UGT2A1: variants seen among roughly 807,000 people sequenced by gnomAD.
UGT2A1 encodes UDP-glucuronosyltransferase 2A1.
Under a neutral mutation model 45.4 loss-of-function variants are expected in UGT2A1, and 61 were observed. The ratio of observed to expected loss-of-function variants is 1.34; its 90% CI spans 1.09 to 1.66. The LOEUF is 1.66. Ranked by LOEUF, UGT2A1 falls within the 40% of genes most tolerant of loss-of-function variation. The pLI is 0.00. For missense variants in UGT2A1, 649 were observed against 574.3 expected, an observed-to-expected ratio of 1.13 and a Z score of -1.33; for synonymous variants, 229 against 196.2, an observed-to-expected ratio of 1.17 and a Z score of -1.40.
chr4:69,594,287 T>C (rs1365864107), intron 6 of UGT2A1, among the ~76,000 whole-genome samples, 190 bp downstream of exon 6: 1 of 152,172 alleles, frequency 6.6e-6, no homozygotes, highest in Non-Finnish European at 1.5e-5. Flanking sequence ...ATTTGAAGTC[T>C]TAGGATTTTC....
chr4:69,596,509 CA>C, intron 4 of UGT2A1: 1 of 1,267,052 alleles, frequency 7.9e-7, no homozygotes, highest in South Asian at 2.4e-5. Context: ...TGTCTTCTGA[CA>C]TGTAGAAAGA....
chr4:69,606,788 A>C (rs1429491186), intron 3 of UGT2A1, among the ~76,000 whole-genome samples: 1 of 136,898 alleles, frequency 7.3e-6, no homozygotes, highest in African/African-American at 3.0e-5. Flanking sequence ...ACAGACAAAC[A>C]GAGAGCCAAA....
chr4:69,599,505 G>A, intron 3 of UGT2A1, 111 bp from the exon 4 acceptor site: 10 of 1,466,604 alleles, frequency 6.8e-6, no homozygotes, highest in Non-Finnish European at 9.1e-6. Context: ...AACTGAATTA[G>A]GTCTTCTAGA....
chr4:69,612,917 A>AC (rs1720153349), intron 3 of UGT2A1, among the ~76,000 whole-genome samples: 1 of 151,540 alleles, frequency 6.6e-6, no homozygotes, highest in South Asian at 2.1e-4. Context: ...GAAAAAAAAA[A>AC]AAACTATCCA....
intron 3 of UGT2A1, among the ~76,000 whole-genome samples, chr4:69,622,023 G>A (rs866763555): frequency 6.6e-5 from 10 of 151,770 alleles, no homozygotes; most frequent in African/African-American, 2.4e-4. Flanking sequence ...GATGGTGGAA[G>A]GAGGAAGAGG....
At position 69,600,800 on chromosome 4, in the gene UGT2A1, C is replaced by T. The variant is rs1469223897; in HGVS notation, c.848-1406G>A. On this transcript the variant is annotated intron_variant, in intron 3 of 6. Transcript: ENST00000286604. Reference sequence around the variant, plus strand: ...AAGAGAGAGAGTGAGGGCAAAGGTGCTATACACTTAAAAAAAAAAACAGAT... The same window carrying T: ...AAGAGAGAGAGTGAGGGCAAAGGTGTTATACACTTAAAAAAAAAAACAGAT... 9.7e-5 allele frequency among the ~76,000 whole-genome samples: 13 copies of T among 134,156 alleles called. No individual in the cohort carries two copies. In the South Asian group the frequency reaches 2.5e-3, roughly 26 times the overall value. 88.0% of individuals were successfully genotyped at this position (134,156 alleles called of 152,430 possible). A position where few individuals can be genotyped will look rare whatever the true frequency, so the allele number is the denominator to read the frequency against.
chr4:69,639,464 C>A, intron 2 of UGT2A1: 1 of 1,613,078 alleles, frequency 6.2e-7, no homozygotes, highest in South Asian at 1.1e-5. Context: ...CCAGTACAGT[C>A]ACATTGTGAT....
At chr4:69,630,109 A>G (rs1035159199) in intron 3 of UGT2A1, among the ~76,000 whole-genome samples, 4 of 152,082 alleles carry the variant, frequency 2.6e-5, no homozygotes, top group Admixed American at 2.0e-4. Context: ...AAAAGATTAT[A>G]TTAAAATATA....
intron 4 of UGT2A1, 85 bp from the exon 5 acceptor site, chr4:69,595,334 C>T (rs1460441463): frequency 2.1e-5 from 31 of 1,498,530 alleles, no homozygotes; most frequent in Non-Finnish European, 2.7e-5. Flanking sequence ...AATCATTTAG[C>T]CAGCTACTTG....
intron 6 of UGT2A1, among the ~76,000 whole-genome samples, 200 bp from the exon 7 acceptor site, chr4:69,589,851 A>T (rs1718489085): frequency 1.3e-5 from 2 of 152,344 alleles, no homozygotes; most frequent in African/African-American, 4.8e-5. Context: ...TATGCTTAAC[A>T]CAGTATGATC....
chr4:69,635,508 A>G (rs1159401008), intron 3 of UGT2A1, among the ~76,000 whole-genome samples, 183 bp downstream of exon 3: 1 of 152,206 alleles, frequency 6.6e-6, no homozygotes, highest in African/African-American at 2.4e-5. Context: ...TTTGCTGTAC[A>G]GCAGATCTCT....
chr4:69,599,124 G>A (rs1358136524), intron 4 of UGT2A1, 122 bp downstream of exon 4: 6 of 1,376,560 alleles, frequency 4.4e-6, no homozygotes, highest in Middle Eastern at 5.3e-4. Context: ...AAGGAAAATA[G>A]ATGTGGAGTA....
intron 3 of UGT2A1, among the ~76,000 whole-genome samples, chr4:69,627,477 C>T (rs1054843735): frequency 1.6e-5 from 1 of 61,616 alleles, no homozygotes; most frequent in African/African-American, 7.9e-5. Context: ...GGCAGGCAGG[C>T]AGGCAGGCAG....
At position 69,616,119 on chromosome 4, in the gene UGT2A1, G is replaced by A. The variant is rs575167544; in HGVS notation, c.848-16725C>T. Among the ~76,000 whole-genome samples the A allele has an allele frequency of 3.8e-4, 58 of 152,034 alleles. 2 individuals are homozygous for A. The South Asian group carries it at 0.01, about 27-fold the overall frequency. On this transcript the variant is annotated intron_variant, in intron 3 of 6. Coordinates refer to ENST00000286604, the MANE Select transcript of UGT2A1 (RefSeq NM_001252275.3). ...AGTCAAATGAAATAAGCCAGGCGCGGAAAGACAAATATGCCGTGTTTTCAC... is the reference window on the plus strand; with the variant it reads ...AGTCAAATGAAATAAGCCAGGCGCGAAAAGACAAATATGCCGTGTTTTCAC...
chr4:69,632,089 C>T (rs1033497070), intron 3 of UGT2A1, among the ~76,000 whole-genome samples: 5 of 152,074 alleles, frequency 3.3e-5, no homozygotes, highest in African/African-American at 9.6e-5. Flanking sequence ...AAGAGATTCA[C>T]GAAAATGAAA....
intron 3 of UGT2A1, among the ~76,000 whole-genome samples, chr4:69,620,211 C>T (rs187426033): frequency 2.6e-5 from 4 of 152,038 alleles, no homozygotes; most frequent in Admixed American, 2.0e-4. Flanking sequence ...TCACACACAA[C>T]ATGATTCTAT....
At position 69,638,938 on chromosome 4, in the gene UGT2A1, A is replaced by C. The variant is rs539429554; in HGVS notation, c.716-3116T>G. ...TAGTATGAATTCCATTCTCCCCAGT[A>C]GGACTGAAATATATAGTCTTGCAGA... On this transcript the variant is annotated intron_variant, in intron 2 of 6. Coordinates refer to ENST00000286604, the MANE Select transcript of UGT2A1 (RefSeq NM_001252275.3). The C allele has an allele frequency of 1.9e-6, 3 of 1,611,246 alleles. No homozygotes were observed. In the East Asian group the frequency reaches 6.7e-5, roughly 36 times the overall value.
Position 69,645,979 on chromosome 4 carries a change from C to T in UGT2A1, c.715+951G>A, listed in dbSNP as rs187782109. Reference sequence around the variant, plus strand: ...TTCAGTATTTTAAAATATCCTTATGCATTATCTGAACTCTGAAGTTTTTCA... The same window carrying T: ...TTCAGTATTTTAAAATATCCTTATGTATTATCTGAACTCTGAAGTTTTTCA... On this transcript the variant is annotated intron_variant, in intron 2 of 6. Coordinates refer to ENST00000286604, the MANE Select transcript of UGT2A1 (RefSeq NM_001252275.3). 1.8e-3 allele frequency among the ~76,000 whole-genome samples: 270 copies of T among 151,942 alleles called. 1 individual carries two copies. Among genetic ancestry groups the T allele is most frequent in the Non-Finnish European group, 3.0e-3 (206 of 67,810 alleles).
chr4:69,627,581 A>C (rs542441967), intron 3 of UGT2A1, among the ~76,000 whole-genome samples: 11 of 147,728 alleles, frequency 7.4e-5, no homozygotes, highest in Admixed American at 6.1e-4. Flanking sequence ...AAAGAGAGAA[A>C]GAAAAAAAGA....
Sources: allele counts gnomAD v4.1 joint callset (sites outside exome capture counted in the v4.1 genomes callset), GRCh38; gene constraint gnomAD v4.1.1; transcripts MANE v1.5; gene names NCBI Gene and HGNC (gene_info 2026-07-23, HGNC 2026-07-21).